KLHL29: variants seen among roughly 807,000 people sequenced by gnomAD.
The protein encoded by KLHL29 is kelch like family member 29, also known as kelch-like protein 29.
KLHL29 carries 21 observed loss-of-function variants against 80.4 expected under a neutral mutation model. That is an observed-to-expected ratio of 0.26 (90% CI 0.19 to 0.38). The LOEUF (loss-of-function observed/expected upper bound fraction) is 0.38. KLHL29 is among the 10% of genes least tolerant of loss of function. The pLI is 1.00. For synonymous variants in KLHL29, 511 were observed against 526.8 expected, an observed-to-expected ratio of 0.97 and a Z score of 0.41; for missense variants, 867 against 1,223.9, an observed-to-expected ratio of 0.71 and a Z score of 4.35.
chr2:23,432,443 G>A (rs1663207027), intron 1 of KLHL29, among the ~76,000 whole-genome samples: 1 of 152,246 alleles, frequency 6.6e-6, no homozygotes, highest in Non-Finnish European at 1.5e-5. Context: ...ATATTTTCCA[G>A]TCACATGCTG....
intron 2 of KLHL29, among the ~76,000 whole-genome samples, chr2:23,490,869 C>T (rs1665080532): frequency 6.6e-6 from 1 of 152,204 alleles, no homozygotes; most frequent in Non-Finnish European, 1.5e-5. Context: ...TGGGCCCATC[C>T]AGTTGCCAGC....
At chr2:23,558,164 C>T (rs954098272) in intron 2 of KLHL29, among the ~76,000 whole-genome samples, 3 of 151,542 alleles carry the variant, frequency 2.0e-5, no homozygotes, top group Admixed American at 2.0e-4. Context: ...AGAGTTCCTC[C>T]TTGTGCCCAG....
chr2:23,620,398 T>G lies in KLHL29; in HGVS notation c.286-18741T>G, dbSNP rs1342360743. 3.3e-5 allele frequency among the ~76,000 whole-genome samples: 5 copies of G among 152,100 alleles called. No individual in the cohort carries two copies. The East Asian group carries it at 9.7e-4, about 30-fold the overall frequency. On this transcript the variant is annotated intron_variant, in intron 3 of 13. Transcript: ENST00000486442. ...AGATAGACACCCCAGGTGACACTCC[T>G]TGGAGGTCAGGAGAAGGCAGAGGTG...
intron 5 of KLHL29, among the ~76,000 whole-genome samples, chr2:23,678,821 T>C (rs778158153): frequency 1.3e-5 from 2 of 152,116 alleles, no homozygotes; most frequent in Non-Finnish European, 2.9e-5. Context: ...ACAGGACAAA[T>C]ATTGCATAAT....
In KLHL29 at chr2:23,544,596, A is replaced by T. The variant is rs541794905; in HGVS notation, c.-45-17556A>T. Among the ~76,000 whole-genome samples the T allele has an allele frequency of 3.3e-5, 5 of 152,350 alleles. No individual in the cohort carries two copies. The South Asian group carries it at 8.3e-4, about 25-fold the overall frequency. On this transcript the variant is annotated intron_variant, in intron 2 of 13. Transcript: ENST00000486442. ...GTAAGTAAACTATATAGGCCAAGAG[A>T]AGGCAATGAGAGTGAGCGGGAAAGA... is the stretch of plus-strand genomic sequence containing the variant.
chr2:23,440,915 G>T (rs1478080749), intron 1 of KLHL29, among the ~76,000 whole-genome samples: 1 of 152,240 alleles, frequency 6.6e-6, no homozygotes, highest in Non-Finnish European at 1.5e-5. Context: ...GTGGAAGTCA[G>T]TGTGGCAATT....
chr2:23,516,005 A>G (rs1279402133), intron 2 of KLHL29, among the ~76,000 whole-genome samples: 2 of 152,224 alleles, frequency 1.3e-5, no homozygotes, highest in Admixed American at 1.3e-4. Context: ...TTCTAAAGCT[A>G]TAGTCTATTG....
In KLHL29 at chr2:23,680,951, TG is replaced by T. The variant is rs1159828429; in HGVS notation, c.941-3446del. ...CACACCTGAGAATAGGCCATGTTGT[TG>T]GAAGATCTCCCCAGACCCCGCAGCA... On this transcript the variant is annotated intron_variant, in intron 5 of 13. Transcript: ENST00000486442. This position sits in a 1 kb window ranked among gnomAD's most constrained non-coding sequence, Gnocchi z 4.1. Among the ~76,000 whole-genome samples, 1 of 152,188 alleles carries T rather than the reference TG, an allele frequency of 6.6e-6. No individual in the cohort carries two copies. Among genetic ancestry groups the T allele is most frequent in the African/African-American group, 2.4e-5 (1 of 41,442 alleles).
At chr2:23,699,876 CCT>C (rs200723408) in intron 11 of KLHL29, among the ~76,000 whole-genome samples, 1,573 of 152,342 alleles carry the variant, frequency 0.01, 11 homozygotes, top group African/African-American at 0.021. Flanking sequence ...CCTGTCTTGA[CCT>C]CTCTCTTCAG....
In KLHL29 at chr2:23,693,528, G is replaced by T. The variant is rs768226224; in HGVS notation, c.1542G>T (p.Gln514His). The T allele has an allele frequency of 3.2e-6, 5 of 1,548,658 alleles. No individual in the cohort carries two copies. Among genetic ancestry groups the T allele is most frequent in the Non-Finnish European group, 3.5e-6 (4 of 1,144,526 alleles). ...AGAAGGACCCCGCGACACGCACACA[G>T]GTGGGGCCTGCCCTGTCCCCCGCCC... ...WIKKDPATRT[Q>H]YAAELLAVVR... The change falls in exon 8 of 14, where the codon CAG (glutamine) becomes CAT (histidine). Residue 514 changes from glutamine (Q) to histidine (H), a missense_variant and splice_region_variant. By Grantham distance (24) the Gln-to-His change is conservative. Around this residue, in one of 2 missense-constraint regions of KLHL29, gnomAD observed 443 missense variants for 767.0 expected, o/e 0.58. Coordinates refer to ENST00000486442, the MANE Select transcript of KLHL29 (RefSeq NM_052920.2).
chr2:23,474,214 A>T (rs918074753), intron 1 of KLHL29, among the ~76,000 whole-genome samples: 1 of 152,170 alleles, frequency 6.6e-6, no homozygotes, highest in Non-Finnish European at 1.5e-5. Flanking sequence ...ATGTATTCCC[A>T]GTGCCTTGAA....
chr2:23,415,040 A>G lies in KLHL29; in HGVS notation c.-154+29260A>G, dbSNP rs111434613. Among the ~76,000 whole-genome samples the G allele has an allele frequency of 4.7e-3, 715 of 152,346 alleles. 4 individuals carry two copies. Among genetic ancestry groups the G allele is most frequent in the African/African-American group, 0.016 (680 of 41,580 alleles). On this transcript the variant is annotated intron_variant, in intron 1 of 13. Coordinates refer to ENST00000486442, the MANE Select transcript of KLHL29 (RefSeq NM_052920.2). ...AGTCATACCCAGATCAGGCCCCACA[A>G]GGCCCCACAGCTGCCCTGCTGGTCA...
At chr2:23,520,228 C>T (rs1666050407) in intron 2 of KLHL29, among the ~76,000 whole-genome samples, 1 of 152,158 alleles carries the variant, frequency 6.6e-6, no homozygotes, top group Non-Finnish European at 1.5e-5. Flanking sequence ...CCAAATCCAC[C>T]TCAAAACGGG....
chr2:23,654,081 C>T (rs906199829), intron 5 of KLHL29, among the ~76,000 whole-genome samples: 3 of 152,010 alleles, frequency 2.0e-5, no homozygotes, highest in African/African-American at 7.3e-5. Context: ...GCACGAGAAT[C>T]GCTTGAACCC....
chr2:23,456,966 C>T (rs555990223), intron 1 of KLHL29, among the ~76,000 whole-genome samples: 4 of 152,272 alleles, frequency 2.6e-5, no homozygotes, highest in East Asian at 1.9e-4. Context: ...CACAGGCCAC[C>T]GCAGAAGCAG....
chr2:23,686,380 C>T (rs572490396), intron 6 of KLHL29, among the ~76,000 whole-genome samples: 5 of 152,212 alleles, frequency 3.3e-5, no homozygotes, highest in East Asian at 1.9e-4. Flanking sequence ...CTGGGTCCTA[C>T]GCCTGACTCC....
At chr2:23,629,808 C>G (rs1174419404) in intron 3 of KLHL29, among the ~76,000 whole-genome samples, 1 of 152,156 alleles carries the variant, frequency 6.6e-6, no homozygotes, top group Non-Finnish European at 1.5e-5. Context: ...ACAGGTGTTT[C>G]ACATCAGAAA....
At chr2:23,533,332 T>C (rs561781912) in intron 2 of KLHL29, among the ~76,000 whole-genome samples, 2 of 152,042 alleles carry the variant, frequency 1.3e-5, no homozygotes, top group Non-Finnish European at 2.9e-5. Flanking sequence ...TTTCTGAGAG[T>C]TCCCCCACCC....
intron 3 of KLHL29, among the ~76,000 whole-genome samples, chr2:23,595,007 A>T (rs1408770427): frequency 2.0e-5 from 3 of 152,210 alleles, no homozygotes; most frequent in Non-Finnish European, 2.9e-5. Flanking sequence ...TTTTAATTTC[A>T]TGAAGATTTA....
Sources: gnomAD v4.1 joint callset for allele counts (sites outside exome capture counted in the v4.1 genomes callset) on GRCh38, gnomAD v4.1.1 for gene constraint, gnomAD v4.1.1 regional missense constraint, Gnocchi (gnomAD v3.1) non-coding constraint, MANE v1.5 for transcripts, NCBI Gene and HGNC (gene_info 2026-07-23, HGNC 2026-07-21) for gene names.